Variants in GPC6 observed in about 807,000 individuals in gnomAD.
GPC6 encodes glypican 6, also known as glypican-6.
In GPC6, 14 loss-of-function variants were observed where a neutral mutation model predicts 55.2. That is an observed-to-expected ratio of 0.25 (90% CI 0.17 to 0.40). GPC6 has a LOEUF of 0.40. GPC6 is among the 10% of genes least tolerant of loss of function. The probability of loss-of-function intolerance (pLI) is 1.00; values close to 1 mark genes in which losing one functional copy is unlikely to be tolerated. For synonymous variants in GPC6, 278 were observed against 259.6 expected, an observed-to-expected ratio of 1.07 and a Z score of -0.68; for missense variants, 641 against 708.5, an observed-to-expected ratio of 0.90 and a Z score of 1.08.
intron 2 of GPC6, among the ~76,000 whole-genome samples, chr13:93,555,780 T>C (rs1040419024): frequency 6.6e-6 from 1 of 152,156 alleles, no homozygotes; most frequent in African/African-American, 2.4e-5. Context: ...GAGAATCAGT[T>C]AATATACAGA....
At position 94,037,588 on chromosome 13, in the gene GPC6, A is replaced by G. The variant is rs531896039; in HGVS notation, c.877+9694A>G. On this transcript the variant is annotated intron_variant, in intron 4 of 8. Coordinates refer to ENST00000377047, the MANE Select transcript of GPC6 (RefSeq NM_005708.5). ...AAACTTTTAACCCTAAAACAACCTT[A>G]TTAAGTAGTTAATATTATGATCTCC... 6.6e-5 allele frequency among the ~76,000 whole-genome samples: 10 copies of G among 152,082 alleles called. No individual in the cohort carries two copies. The South Asian group carries it at 1.5e-3, about 22-fold the overall frequency.
intron 4 of GPC6, among the ~76,000 whole-genome samples, chr13:94,076,918 T>C (rs562526718): frequency 6.6e-6 from 1 of 151,384 alleles, no homozygotes; most frequent in Non-Finnish European, 1.5e-5. Flanking sequence ...GTGTGATGCC[T>C]CCAGCTTTGT....
chr13:93,309,407 C>T (rs1566291785), intron 1 of GPC6, among the ~76,000 whole-genome samples: 2 of 150,260 alleles, frequency 1.3e-5, no homozygotes, highest in East Asian at 3.9e-4. Flanking sequence ...TGCTTGTTCT[C>T]ATTTTGGATG....
At chr13:93,567,334 T>C (rs770855651) in intron 2 of GPC6, among the ~76,000 whole-genome samples, 1 of 152,210 alleles carries the variant, frequency 6.6e-6, no homozygotes, top group Non-Finnish European at 1.5e-5. Context: ...AATTTTAGCA[T>C]GAGAATAGCA....
chr13:93,778,335 G>A (rs568710176), intron 2 of GPC6, among the ~76,000 whole-genome samples: 65 of 151,800 alleles, frequency 4.3e-4, no homozygotes, highest in Non-Finnish European at 7.9e-4. Context: ...GTACCAAAAC[G>A]AAGAGAGTGA....
chr13:94,303,396 C>T (rs923009380), intron 5 of GPC6, among the ~76,000 whole-genome samples: 1 of 152,160 alleles, frequency 6.6e-6, no homozygotes, highest in Non-Finnish European at 1.5e-5. Flanking sequence ...AAGGTGGATC[C>T]GGTCACCTTC....
chr13:94,008,264 G>T (rs1882099298), intron 3 of GPC6, among the ~76,000 whole-genome samples: 1 of 152,168 alleles, frequency 6.6e-6, no homozygotes, highest in South Asian at 2.1e-4. Context: ...TGAATTAGAG[G>T]CAGAGATCCA....
At chr13:93,361,134 T>C (rs1401742101) in intron 1 of GPC6, among the ~76,000 whole-genome samples, 2 of 152,144 alleles carry the variant, frequency 1.3e-5, no homozygotes, top group African/African-American at 4.8e-5. Context: ...GCTTTAGCCC[T>C]AAGCTGCTGT....
Position 93,902,227 on chromosome 13 carries a change from C to T in GPC6, c.711+71682C>T, listed in dbSNP as rs114785373. Among the ~76,000 whole-genome samples the T allele has an allele frequency of 4.6e-3, 705 of 152,208 alleles. 7 individuals are homozygous for T. Among genetic ancestry groups the T allele is most frequent in the African/African-American group, 0.016 (676 of 41,546 alleles). ...CTCTCCCCATTCCCCTTCCCCTCTC[C>T]CCTCCTCAGCCTCTGTTCTACTCTA... On this transcript the variant is annotated intron_variant, in intron 3 of 8. Transcript: ENST00000377047.
chr13:93,586,823 C>T (rs2139499796), intron 2 of GPC6, among the ~76,000 whole-genome samples: 1 of 152,302 alleles, frequency 6.6e-6, no homozygotes, highest in African/African-American at 2.4e-5. Context: ...TATGATGTTA[C>T]AGCTTAGCTT....
Position 94,264,325 on chromosome 13 carries a change from C to A in GPC6, c.878-22024C>A, listed in dbSNP as rs117053183. Among the ~76,000 whole-genome samples the A allele has an allele frequency of 3.3e-3, 501 of 152,222 alleles. 30 individuals are homozygous for A. The East Asian group carries it at 0.089, about 27-fold the overall frequency. ...CTCTTTGGTCTGCATGCAGCCTGTG[C>A]TAAGGAATAAATAAATAAAGATGTG... On this transcript the variant is annotated intron_variant, in intron 4 of 8. Coordinates refer to ENST00000377047, the MANE Select transcript of GPC6 (RefSeq NM_005708.5).
intron 1 of GPC6, chr13:93,395,324 A>G: frequency 4.2e-6 from 2 of 477,214 alleles, no homozygotes; most frequent in Non-Finnish European, 4.0e-6. Context: ...TTGCTTTGAC[A>G]GGGTTTTCCC....
At chr13:94,322,406 G>T (rs1876874465) in intron 6 of GPC6, among the ~76,000 whole-genome samples, 1 of 152,156 alleles carries the variant, frequency 6.6e-6, no homozygotes, top group Non-Finnish European at 1.5e-5. Context: ...ATCAGGCAGA[G>T]AAGAGGTACC....
intron 1 of GPC6, among the ~76,000 whole-genome samples, chr13:93,434,918 G>T (rs112702766): frequency 0.025 from 3,776 of 152,194 alleles, 180 homozygotes; most frequent in African/African-American, 0.086. Flanking sequence ...TATTGGCCAG[G>T]ATGGTCTCGA....
chr13:93,853,028 A>C (rs1000470914), intron 3 of GPC6, among the ~76,000 whole-genome samples: 2 of 151,782 alleles, frequency 1.3e-5, no homozygotes, highest in East Asian at 3.9e-4. Context: ...ATAATTACAA[A>C]TATTTCTGGG....
At chr13:94,112,178 A>G (rs1886270634) in intron 4 of GPC6, among the ~76,000 whole-genome samples, 1 of 152,206 alleles carries the variant, frequency 6.6e-6, no homozygotes. Context: ...ATGTTTTTTA[A>G]TGAAGATGAT....
chr13:93,348,052 G>A lies in GPC6; in HGVS notation c.160+120436G>A, dbSNP rs541519335. ...CCTACTGCACAACATTTTTCACCATGGAACTATTTCCTCTGGCATAATGTT... is the reference window on the plus strand; with the variant it reads ...CCTACTGCACAACATTTTTCACCATAGAACTATTTCCTCTGGCATAATGTT... On this transcript the variant is annotated intron_variant, in intron 1 of 8. Coordinates refer to ENST00000377047, the MANE Select transcript of GPC6 (RefSeq NM_005708.5). 3.3e-4 allele frequency among the ~76,000 whole-genome samples: 50 copies of A among 152,196 alleles called. 1 individual carries two copies. The South Asian group carries it at 0.01, about 31-fold the overall frequency.
At chr13:94,044,616 A>C (rs1883658924) in intron 4 of GPC6, among the ~76,000 whole-genome samples, 1 of 151,914 alleles carries the variant, frequency 6.6e-6, no homozygotes, top group Non-Finnish European at 1.5e-5. Context: ...TGTGTTGTTA[A>C]GGATGTATCT....
At chr13:93,815,214 TAAC>T (rs1886812106) in intron 2 of GPC6, among the ~76,000 whole-genome samples, 1 of 152,086 alleles carries the variant, frequency 6.6e-6, no homozygotes, top group Non-Finnish European at 1.5e-5. Context: ...ATACAACTAA[TAAC>T]AACAAAAAAT....
Sources: gnomAD v4.1 joint callset for allele counts (sites outside exome capture counted in the v4.1 genomes callset) on GRCh38, gnomAD v4.1.1 for gene constraint, MANE v1.5 for transcripts, NCBI Gene and HGNC (gene_info 2026-07-23, HGNC 2026-07-21) for gene names.